STRIP2: variants seen among roughly 807,000 people sequenced by gnomAD.
The protein encoded by STRIP2 is striatin-interacting protein 2.
In STRIP2, 84 loss-of-function variants were observed where a neutral mutation model predicts 107.1. The ratio of observed to expected loss-of-function variants is 0.78; its 90% CI spans 0.66 to 0.94. STRIP2 has a LOEUF of 0.94. Ranked by LOEUF, STRIP2 falls within the 40% of genes least tolerant of loss-of-function variation. The pLI is 0.00. For synonymous variants in STRIP2, 394 were observed against 400.4 expected, an observed-to-expected ratio of 0.98 and a Z score of 0.19; for missense variants, 888 against 1,034.2, an observed-to-expected ratio of 0.86 and a Z score of 1.94.
intron 18 of STRIP2, among the ~76,000 whole-genome samples, chr7:129,475,793 C>T (rs1798909090): frequency 6.6e-6 from 1 of 152,112 alleles, no homozygotes; most frequent in Non-Finnish European, 1.5e-5. Context: ...CTTCAAGCAT[C>T]TGTTTAACAA....
rs1387797618 is a variant in STRIP2, at chr7:129,454,622, TTTTG to T, written c.706+99_706+102del. ...AGGAGAGGCAGACAGTCGTTTTTTCTTTTGTTTTCTTTTTTAAAATTAATGTCCT... is the reference window on the plus strand; with the variant it reads ...AGGAGAGGCAGACAGTCGTTTTTTCTTTTTCTTTTTTAAAATTAATGTCCT... On this transcript the variant is annotated intron_variant, in intron 7 of 20. Coordinates refer to ENST00000249344, the MANE Select transcript of STRIP2 (RefSeq NM_020704.3). The T allele has an allele frequency of 1.5e-5, 11 of 752,650 alleles. No homozygotes were observed. In the African/African-American group the frequency reaches 1.9e-4, roughly 13 times the overall value. The allele number at this position is 752,650 out of a possible 1,614,324, so 46.6% of individuals were successfully genotyped here.
chr7:129,463,147 T>A, intron 14 of STRIP2, 107 bp downstream of exon 14: 1 of 905,712 alleles, frequency 1.1e-6, no homozygotes, highest in Non-Finnish European at 1.7e-6. Flanking sequence ...TTCCTGAGCC[T>A]TTGCCCCTTT....
intron 17 of STRIP2, among the ~76,000 whole-genome samples, chr7:129,468,382 G>C (rs1333594985): frequency 4.6e-5 from 7 of 152,090 alleles, no homozygotes. Flanking sequence ...CATGAGACCT[G>C]GATTCGTGAC....
At chr7:129,465,912 C>G (rs1053204591) in intron 16 of STRIP2, among the ~76,000 whole-genome samples, 52 of 152,306 alleles carry the variant, frequency 3.4e-4, no homozygotes, top group African/African-American at 1.2e-3. Flanking sequence ...CCTCAGAGTA[C>G]AGAGAGGCTT....
chr7:129,452,341 G>A (rs1213456550), intron 4 of STRIP2, among the ~76,000 whole-genome samples: 1 of 151,922 alleles, frequency 6.6e-6, no homozygotes, highest in Non-Finnish European at 1.5e-5. Flanking sequence ...ATAAGCCTAC[G>A]ATCATAAATA....
intron 3 of STRIP2, 106 bp downstream of exon 3, chr7:129,444,204 A>G (rs960637141): frequency 5.9e-5 from 44 of 745,088 alleles, no homozygotes; most frequent in Non-Finnish European, 1.1e-5. Context: ...TCCCCTCTGT[A>G]TTAGTTAGGG....
intron 18 of STRIP2, among the ~76,000 whole-genome samples, chr7:129,476,077 G>T (rs1426516326): frequency 2.6e-5 from 4 of 152,142 alleles, no homozygotes; most frequent in Admixed American, 2.6e-4. Context: ...GAGCTGTTGG[G>T]TACACCTCCC....
chr7:129,465,864 A>AAGT (rs566904937), intron 16 of STRIP2, among the ~76,000 whole-genome samples: 192 of 152,340 alleles, frequency 1.3e-3, no homozygotes, highest in African/African-American at 4.4e-3. Context: ...TTTTCCTCCT[A>AAGT]AGAAGTCAGA....
In STRIP2 at chr7:129,444,046, C is replaced by T. The variant is rs1307703325; in HGVS notation, c.222C>T (p.Asn74=). ...CAGAATTGTATAGTTACACTGAGAA[C>T]CTGGAATTCACCAATAACAGGAGGT... ...ELSELYSYTE[N]LEFTNNRRCF... is the part of the protein sequence containing the mutation. The change falls in exon 3 of 21, where the codon AAC becomes AAT. Residue 74 remains asparagine, a synonymous_variant. Coordinates refer to ENST00000249344, the MANE Select transcript of STRIP2 (RefSeq NM_020704.3). 2 of 1,613,546 alleles carry T rather than the reference C, an allele frequency of 1.2e-6. No individual in the cohort carries two copies. Among genetic ancestry groups the T allele is most frequent in the Non-Finnish European group, 1.7e-6 (2 of 1,179,686 alleles).
At position 129,482,111 on chromosome 7, in the gene STRIP2, C is replaced by T. The variant is rs144469717; in HGVS notation, c.2050-731C>T. Among the ~76,000 whole-genome samples, 1,016 of 151,960 alleles carry T rather than the reference C, an allele frequency of 6.7e-3. 11 individuals carry two copies. The highest frequency in any genetic ancestry group is 0.023 in the African/African-American group (962 of 41,438). On this transcript the variant is annotated intron_variant, in intron 19 of 20. Coordinates refer to ENST00000249344, the MANE Select transcript of STRIP2 (RefSeq NM_020704.3). Reference sequence around the variant, plus strand: ...AGGTTGCAGTGAATCGAGACTGCACCACTGCACTCCAGCCTGGGCGACAGA... The same window carrying T: ...AGGTTGCAGTGAATCGAGACTGCACTACTGCACTCCAGCCTGGGCGACAGA...
chr7:129,441,093 T>C (rs1797887007), intron 2 of STRIP2, among the ~76,000 whole-genome samples: 1 of 152,042 alleles, frequency 6.6e-6, no homozygotes, highest in South Asian at 2.1e-4. Flanking sequence ...TGGGAATTTA[T>C]AGAAGAAAAA....
Position 129,454,435 on chromosome 7 carries a change from T to G in STRIP2, c.614T>G (p.Val205Gly). 2 of 1,613,754 alleles carry G rather than the reference T, an allele frequency of 1.2e-6. No homozygotes were observed. Among genetic ancestry groups the G allele is most frequent in the Non-Finnish European group, 1.7e-6 (2 of 1,179,772 alleles). The stretch of plus-strand genomic sequence containing the variant: ...TGTAACCCCAGGGTGCTGCTGAGTG[T>G]TATGTACCTAATGGTGGAAAATATT... Reference protein sequence around the residue: ...DSTELRVLLSVMYLMVENIRL... With the variant: ...DSTELRVLLSGMYLMVENIRL... The change falls in exon 7 of 21, where the codon GTT (valine) becomes GGT (glycine). Residue 205 changes from valine to glycine, a missense_variant. By Grantham distance (109) the Val-to-Gly change is moderately radical. Coordinates refer to ENST00000249344, the MANE Select transcript of STRIP2 (RefSeq NM_020704.3).
chr7:129,456,933 A>C (rs1798376153), intron 9 of STRIP2, among the ~76,000 whole-genome samples: 1 of 152,114 alleles, frequency 6.6e-6, no homozygotes, highest in Non-Finnish European at 1.5e-5. Context: ...TTACATTCTG[A>C]ATAACAATTA....
intron 3 of STRIP2, among the ~76,000 whole-genome samples, chr7:129,445,192 C>T (rs546957437): frequency 1.3e-5 from 2 of 152,098 alleles, no homozygotes; most frequent in South Asian, 2.1e-4. Flanking sequence ...TACTAAGAGA[C>T]GCCCTAATGG....
Position 129,461,235 on chromosome 7 carries a change from C to T in STRIP2, c.1476+863C>T, listed in dbSNP as rs1252521631. 6.6e-6 allele frequency among the ~76,000 whole-genome samples: 1 copy of T among 152,160 alleles called. No homozygotes were observed. The highest frequency in any genetic ancestry group is 1.9e-4 in the East Asian group (1 of 5,190). ...TATCAAGAGTTCTGTTTTGGTCATA[C>T]TAAGTTTTAGATGCCCATTAGATAC... On this transcript the variant is annotated intron_variant, in intron 13 of 20. Transcript: ENST00000249344. This position sits in a 1 kb window ranked among gnomAD's most constrained non-coding sequence, Gnocchi z 4.0.
chr7:129,451,229 G>A (rs1016575014), intron 3 of STRIP2, among the ~76,000 whole-genome samples: 2 of 152,078 alleles, frequency 1.3e-5, no homozygotes, highest in African/African-American at 4.8e-5. Flanking sequence ...GTGAGCCACC[G>A]CACCCGGCCG....
intron 19 of STRIP2, among the ~76,000 whole-genome samples, chr7:129,481,597 T>C (rs543824153): frequency 2.6e-5 from 4 of 152,020 alleles, no homozygotes; most frequent in Admixed American, 2.6e-4. Flanking sequence ...GTCCTTATAA[T>C]AGAATATTAT....
chr7:129,446,838 A>G (rs907083391), intron 3 of STRIP2, among the ~76,000 whole-genome samples: 4 of 152,190 alleles, frequency 2.6e-5, no homozygotes, highest in African/African-American at 7.2e-5. Flanking sequence ...GCTGCTGTGC[A>G]CGACCCACTT....
Position 129,483,291 on chromosome 7 carries a change from T to C in STRIP2, c.2254+245T>C, listed in dbSNP as rs949208756. The C allele has an allele frequency of 1.7e-6, 2 of 1,208,672 alleles. No individual in the cohort carries two copies. Among genetic ancestry groups the C allele is most frequent in the Non-Finnish European group, 2.1e-6 (2 of 967,646 alleles). 74.9% of individuals were successfully genotyped at this position (1,208,672 alleles called of 1,614,324 possible). On this transcript the variant is annotated intron_variant, in intron 20 of 20. Transcript: ENST00000249344. The surrounding 1 kb of genome is among the most constrained non-coding windows in gnomAD (Gnocchi z 5.1). ...AACAAGTAAATTGAGAGATAATTAA[T>C]TGCCTTTCCAAAACATTCTTTTAAA...
Sources: allele counts gnomAD v4.1 joint callset (sites outside exome capture counted in the v4.1 genomes callset), GRCh38; gene constraint gnomAD v4.1.1; non-coding constraint Gnocchi (gnomAD v3.1); transcripts MANE v1.5; gene names NCBI Gene and HGNC (gene_info 2026-07-23, HGNC 2026-07-21).